Variants in NFIB observed in about 807,000 individuals in gnomAD.
The protein encoded by NFIB is nuclear factor I B.
Under a neutral mutation model 61.5 loss-of-function variants are expected in NFIB, and 11 were observed. That is an observed-to-expected ratio of 0.18 (90% CI 0.11 to 0.30). NFIB has a LOEUF of 0.30. Ranked by LOEUF, NFIB falls within the 10% of genes least tolerant of loss-of-function variation. The pLI is 1.00. For missense variants in NFIB, 471 were observed against 608.9 expected (o/e 0.77, Z 2.38); for synonymous variants, 260 against 216.5 (o/e 1.20, Z -1.76).
At chr9:14,124,404 C>G (rs78706964) in intron 7 of NFIB, among the ~76,000 whole-genome samples, 2,565 of 152,172 alleles carry the variant, frequency 0.017, 60 homozygotes, top group African/African-American at 0.057. Context: ...AGTCCTCTCT[C>G]AATTTCGTAA....
the NFIB span, among the ~76,000 whole-genome samples, chr9:14,462,618 C>A: frequency 6.6e-6 from 1 of 152,066 alleles, no homozygotes; most frequent in South Asian, 2.1e-4. Flanking sequence ...CTGGAGTCTT[C>A]CAGAGTGTGA....
intron 1 of NFIB, among the ~76,000 whole-genome samples, chr9:14,386,572 C>T (rs1564050276): frequency 1.3e-5 from 2 of 151,494 alleles, no homozygotes; most frequent in African/African-American, 2.4e-5. Flanking sequence ...ATATTTTTAT[C>T]ATGCATTCTC....
chr9:14,113,347 CTAG>C (rs1387369788), intron 9 of NFIB, among the ~76,000 whole-genome samples: 2 of 152,166 alleles, frequency 1.3e-5, no homozygotes, highest in African/African-American at 4.8e-5. Context: ...CTTACATGCT[CTAG>C]TAACTGTCCT....
chr9:14,123,566 C>G (rs924249525), intron 7 of NFIB, among the ~76,000 whole-genome samples: 4 of 152,152 alleles, frequency 2.6e-5, no homozygotes, highest in African/African-American at 4.8e-5. Context: ...ACTCTGAGAC[C>G]GAGTCCTGGA....
intron 2 of NFIB, among the ~76,000 whole-genome samples, chr9:14,281,847 C>T (rs891037767): frequency 1.3e-5 from 2 of 150,220 alleles, no homozygotes; most frequent in Non-Finnish European, 2.9e-5. Flanking sequence ...ACACCCCACA[C>T]GTGTTTTTTT....
At chr9:14,334,188 T>G (rs1371682663) in intron 1 of NFIB, among the ~76,000 whole-genome samples, 2 of 152,214 alleles carry the variant, frequency 1.3e-5, no homozygotes, top group African/African-American at 2.4e-5. Flanking sequence ...TGTCTACATG[T>G]TTTCTATTAC....
chr9:14,403,221 T>C (rs1048579529), upstream of NFIB, among the ~76,000 whole-genome samples: 1 of 152,204 alleles, frequency 6.6e-6, no homozygotes, highest in African/African-American at 2.4e-5. Flanking sequence ...TATGAAACGA[T>C]GTAAAAGGGG....
At chr9:14,469,588 C>G in the NFIB span, among the ~76,000 whole-genome samples, 351 of 152,298 alleles carry the variant, frequency 2.3e-3, 1 homozygote, top group African/African-American at 8.1e-3. Flanking sequence ...CAGCAGGTGC[C>G]TGATACGAAT....
chr9:14,301,234 C>T (rs1397286390), intron 2 of NFIB, among the ~76,000 whole-genome samples: 1 of 152,176 alleles, frequency 6.6e-6, no homozygotes, highest in Non-Finnish European at 1.5e-5. Flanking sequence ...TTCAGGAGAC[C>T]TGACCGTCAC....
chr9:14,321,341 G>A (rs1359384565), intron 1 of NFIB, among the ~76,000 whole-genome samples: 1 of 152,064 alleles, frequency 6.6e-6, no homozygotes, highest in South Asian at 2.1e-4. Context: ...AAGTTGGTGG[G>A]GGGTGCGGAA....
At chr9:14,486,662 A>C in the NFIB span, among the ~76,000 whole-genome samples, 1 of 152,074 alleles carries the variant, frequency 6.6e-6, no homozygotes, top group East Asian at 1.9e-4. Context: ...CATGTTCAAA[A>C]CAATAGCAGG....
chr9:14,518,356 C>G, the NFIB span, among the ~76,000 whole-genome samples: 1 of 152,174 alleles, frequency 6.6e-6, no homozygotes, highest in Non-Finnish European at 1.5e-5. Context: ...AACTGAGCTT[C>G]TTTTCCTGCC....
the NFIB span, among the ~76,000 whole-genome samples, chr9:14,495,524 G>T: frequency 6.9e-6 from 1 of 145,894 alleles, no homozygotes; most frequent in South Asian, 2.2e-4. Context: ...CTGGTCCAAG[G>T]CCTGATTTCC....
At chr9:14,473,301 T>C in the NFIB span, among the ~76,000 whole-genome samples, 1 of 152,184 alleles carries the variant, frequency 6.6e-6, no homozygotes, top group African/African-American at 2.4e-5. Context: ...GGGTAGAAAA[T>C]CAATGGTCAT....
At chr9:14,421,212 T>C in the NFIB span, among the ~76,000 whole-genome samples, 1 of 152,190 alleles carries the variant, frequency 6.6e-6, no homozygotes, top group South Asian at 2.1e-4. Context: ...CCAATTCTTA[T>C]GAAATATTAA....
At chr9:14,365,836 C>G (rs760052881) in intron 1 of NFIB, among the ~76,000 whole-genome samples, 72 of 152,254 alleles carry the variant, frequency 4.7e-4, no homozygotes, top group Admixed American at 5.9e-4. Flanking sequence ...ACTGATCTAA[C>G]GTGAGACCAA....
chr9:14,380,768 G>T (rs1413423282), intron 1 of NFIB, among the ~76,000 whole-genome samples: 1 of 152,072 alleles, frequency 6.6e-6, no homozygotes, highest in Non-Finnish European at 1.5e-5. Context: ...CTCTGCAGAG[G>T]AGCTATTGCC....
At chr9:14,295,638 A>AAAC (rs1191833242) in intron 2 of NFIB, among the ~76,000 whole-genome samples, 3 of 150,466 alleles carry the variant, frequency 2.0e-5, no homozygotes, top group Non-Finnish European at 4.5e-5. Flanking sequence ...CTCAAAAAAC[A>AAAC]AACAAACAAA....
At chr9:14,439,476 T>C in the NFIB span, among the ~76,000 whole-genome samples, 11 of 152,218 alleles carry the variant, frequency 7.2e-5, no homozygotes, top group Non-Finnish European at 1.2e-4. Context: ...ATAGGGCTAT[T>C]GTGAGGATTG....
Sources: gnomAD v4.1 joint callset for allele counts (sites outside exome capture counted in the v4.1 genomes callset) on GRCh38, gnomAD v4.1.1 for gene constraint, MANE v1.5 for transcripts, NCBI Gene and HGNC (gene_info 2026-07-23, HGNC 2026-07-21) for gene names.